The following KIF6 variants were observed in gnomAD, a reference collection of about 807,000 sequenced individuals.
KIF6 encodes the protein kinesin-like protein KIF6.
Under a neutral mutation model 112.7 loss-of-function variants are expected in KIF6, and 106 were observed. That is an observed-to-expected ratio of 0.94 (90% CI 0.80 to 1.11). The LOEUF is 1.11. Among genes scored for constraint, KIF6 ranks in the 50% least tolerant of loss-of-function variants. KIF6 has a pLI of 0.00. For missense variants in KIF6, 929 were observed against 964.0 expected (o/e 0.96, Z 0.48); for synonymous variants, 339 against 339.9 (o/e 1.00, Z 0.03).
chr6:39,722,119 A>G (rs1296230699), intron 1 of KIF6, among the ~76,000 whole-genome samples: 1 of 152,198 alleles, frequency 6.6e-6, no homozygotes, highest in Non-Finnish European at 1.5e-5. Context: ...AGAGACATTT[A>G]AAAATTATAT....
At chr6:39,617,635 A>C (rs932261768) in intron 5 of KIF6, 2 of 445,056 alleles carry the variant, frequency 4.5e-6, no homozygotes, top group Admixed American at 2.4e-5. Context: ...GTCTGTCATA[A>C]GGCAATGAAG....
chr6:39,450,852 C>T lies in KIF6; in HGVS notation c.1646-19691G>A, dbSNP rs180877765. On this transcript the variant is annotated intron_variant, in intron 13 of 22. Coordinates refer to ENST00000287152, the MANE Select transcript of KIF6 (RefSeq NM_145027.6). The stretch of plus-strand genomic sequence containing the variant: ...GCAAGAAAAATCACTCACAATCTCT[C>T]TACTTTCCTTCCAGTTTTTCTATGC... Among the ~76,000 whole-genome samples, 7 of 152,302 alleles carry T rather than the reference C, an allele frequency of 4.6e-5. No individual in the cohort carries two copies. In the East Asian group the frequency reaches 1.3e-3, roughly 29 times the overall value.
chr6:39,590,446 TA>T lies in KIF6; in HGVS notation c.847-4043del, dbSNP rs1430904637. Among the ~76,000 whole-genome samples the T allele has an allele frequency of 5.2e-3, 627 of 121,308 alleles. 9 individuals are homozygous for T. The highest frequency in any genetic ancestry group is 0.018 in the African/African-American group (539 of 29,982). The allele number at this position is 121,308 out of a possible 152,430, so 79.6% of individuals were successfully genotyped here. A position where few individuals can be genotyped will look rare whatever the true frequency, so the allele number is the denominator to read the frequency against. On this transcript the variant is annotated intron_variant, in intron 7 of 22. Coordinates refer to ENST00000287152, the MANE Select transcript of KIF6 (RefSeq NM_145027.6). ...GTGTGTGTGTATATATATATATATA[TA>T]TATATTTTTTTTTTTTTTTTGAGAT... is the stretch of plus-strand genomic sequence containing the variant.
At chr6:39,590,247 A>G (rs1475690564) in intron 7 of KIF6, among the ~76,000 whole-genome samples, 3 of 152,094 alleles carry the variant, frequency 2.0e-5, no homozygotes, top group African/African-American at 7.2e-5. Flanking sequence ...TATTGCTTAT[A>G]AATAATTTCT....
chr6:39,662,677 C>A (rs1786226841), intron 3 of KIF6, among the ~76,000 whole-genome samples: 1 of 152,168 alleles, frequency 6.6e-6, no homozygotes, highest in Non-Finnish European at 1.5e-5. Context: ...AGTTTGAGAA[C>A]AACCTGGGCA....
At chr6:39,475,879 C>A (rs1411074074) in intron 13 of KIF6, among the ~76,000 whole-genome samples, 2 of 152,140 alleles carry the variant, frequency 1.3e-5, no homozygotes, top group Non-Finnish European at 2.9e-5. Context: ...TAAAAAGGAA[C>A]AAGATCATGT....
chr6:39,441,791 G>A (rs1214333137), intron 13 of KIF6, among the ~76,000 whole-genome samples: 9 of 152,172 alleles, frequency 5.9e-5, no homozygotes, highest in African/African-American at 2.2e-4. Context: ...GAGGTTAAAG[G>A]GCTATGTTCA....
chr6:39,677,672 T>TC (rs1787238801), intron 3 of KIF6, among the ~76,000 whole-genome samples: 6 of 113,326 alleles, frequency 5.3e-5, no homozygotes, highest in African/African-American at 2.2e-4. Context: ...CCCAATGCTA[T>TC]CCCTCCCCCC....
intron 3 of KIF6, among the ~76,000 whole-genome samples, chr6:39,693,563 C>A (rs1184482041): frequency 6.6e-6 from 1 of 151,970 alleles, no homozygotes; most frequent in Non-Finnish European, 1.5e-5. Context: ...ACTAGAAAAT[C>A]TAGAGAAAAT....
intron 13 of KIF6, among the ~76,000 whole-genome samples, chr6:39,449,845 C>T (rs1772571347): frequency 6.6e-6 from 1 of 152,198 alleles, no homozygotes; most frequent in Admixed American, 6.5e-5. Context: ...GCTTTTTCCT[C>T]TCTGCCCCCA....
intron 5 of KIF6, among the ~76,000 whole-genome samples, chr6:39,623,940 C>T (rs1783955633): frequency 6.6e-6 from 1 of 152,150 alleles, no homozygotes; most frequent in Non-Finnish European, 1.5e-5. Context: ...GCTCTGCTCC[C>T]ACCTCAGCAG....
intron 13 of KIF6, among the ~76,000 whole-genome samples, chr6:39,513,613 G>T (rs1209507406): frequency 1.3e-5 from 2 of 152,136 alleles, no homozygotes; most frequent in Non-Finnish European, 2.9e-5. Flanking sequence ...GCATTTTTAG[G>T]ATCTGGCTAA....
At chr6:39,570,686 T>C (rs534220971) in intron 10 of KIF6, among the ~76,000 whole-genome samples, 4 of 152,070 alleles carry the variant, frequency 2.6e-5, no homozygotes, top group Non-Finnish European at 4.4e-5. Flanking sequence ...CTCTTGATAA[T>C]GAGTAAGTTC....
At chr6:39,475,708 A>G (rs1308218613) in intron 13 of KIF6, among the ~76,000 whole-genome samples, 1 of 152,130 alleles carries the variant, frequency 6.6e-6, no homozygotes, top group East Asian at 1.9e-4. Context: ...CAGCCTTCCC[A>G]TGACTGTGGA....
intron 4 of KIF6, among the ~76,000 whole-genome samples, chr6:39,635,891 A>G (rs1784602078): frequency 6.6e-6 from 1 of 152,058 alleles, no homozygotes; most frequent in Non-Finnish European, 1.5e-5. Flanking sequence ...TCATAAGAGG[A>G]GAGTATATTT....
chr6:39,407,145 GCAGA>G, intron 15 of KIF6, among the ~76,000 whole-genome samples: 1 of 152,034 alleles, frequency 6.6e-6, no homozygotes, highest in East Asian at 1.9e-4. Context: ...TGCCGTTTAA[GCAGA>G]CAATCAGCCT....
intron 16 of KIF6, among the ~76,000 whole-genome samples, chr6:39,369,896 C>T (rs1215333826): frequency 1.3e-5 from 2 of 152,164 alleles, no homozygotes; most frequent in Non-Finnish European, 2.9e-5. Context: ...GGTTACTGGT[C>T]TGCATTTCTC....
chr6:39,436,415 G>T (rs1171888135), intron 13 of KIF6, among the ~76,000 whole-genome samples: 4 of 150,776 alleles, frequency 2.7e-5, no homozygotes, highest in Admixed American at 6.6e-5. Context: ...TGCTTTTAGG[G>T]TCTTAGTCAA....
At chr6:39,438,188 G>C (rs915950562) in intron 13 of KIF6, among the ~76,000 whole-genome samples, 8 of 152,088 alleles carry the variant, frequency 5.3e-5, no homozygotes, top group African/African-American at 1.9e-4. Flanking sequence ...TGACCAGGCT[G>C]GTCTCGAACT....
Sources: allele counts gnomAD v4.1 joint callset (sites outside exome capture counted in the v4.1 genomes callset), GRCh38; gene constraint gnomAD v4.1.1; transcripts MANE v1.5; gene names NCBI Gene and HGNC (gene_info 2026-07-23, HGNC 2026-07-21).